Variants in ARHGAP32 observed in about 807,000 individuals in gnomAD.
ARHGAP32 encodes the protein rho GTPase-activating protein 32.
ARHGAP32 carries 51 observed loss-of-function variants against 186.5 expected under a neutral mutation model. The observed-to-expected ratio is 0.27, with a 90% CI of 0.22 to 0.35. The LOEUF (loss-of-function observed/expected upper bound fraction) is 0.35, where lower values mean the gene tolerates loss of function less well. Ranked by LOEUF, ARHGAP32 falls within the 10% of genes least tolerant of loss-of-function variation. The pLI, the probability that ARHGAP32 is intolerant of heterozygous loss-of-function variation, is 1.00. For synonymous variants in ARHGAP32, 950 were observed against 964.3 expected, an observed-to-expected ratio of 0.99 and a Z score of 0.27; for missense variants, 2,186 against 2,623.5, an observed-to-expected ratio of 0.83 and a Z score of 3.64.
At chr11:129,053,438 A>G (rs1290481357) in intron 10 of ARHGAP32, among the ~76,000 whole-genome samples, 1 of 152,170 alleles carries the variant, frequency 6.6e-6, no homozygotes, top group African/African-American at 2.4e-5. Flanking sequence ...TTAAAATGAT[A>G]GTTTAGAACC....
At chr11:129,181,470 TAA>T (rs1402992452) in intron 1 of ARHGAP32, among the ~76,000 whole-genome samples, 1 of 152,176 alleles carries the variant, frequency 6.6e-6, no homozygotes. Flanking sequence ...CTGGAACTGA[TAA>T]AAGTCATTAT....
intron 6 of ARHGAP32, among the ~76,000 whole-genome samples, chr11:129,074,230 T>C (rs550381842): frequency 6.6e-6 from 1 of 152,340 alleles, no homozygotes; most frequent in East Asian, 1.9e-4. Flanking sequence ...TAACAGTTTG[T>C]TCAAATAATA....
At position 129,062,436 on chromosome 11, in the gene ARHGAP32, A is replaced by G. The variant is rs1337519815; in HGVS notation, c.886-79T>C. The G allele has an allele frequency of 1.3e-5, 16 of 1,231,614 alleles. No individual in the cohort carries two copies. In the Admixed American group the frequency reaches 2.9e-4, roughly 22 times the overall value. The allele number at this position is 1,231,614 out of a possible 1,614,324, so 76.3% of individuals were successfully genotyped here. Reference sequence around the variant, plus strand: ...TGTTATACCTAGAATTTAAATCCGAACTGTATGAAAAGGTAAAGTACTATT... The same window carrying G: ...TGTTATACCTAGAATTTAAATCCGAGCTGTATGAAAAGGTAAAGTACTATT... On this transcript the variant is annotated intron_variant, in intron 9 of 22. Coordinates refer to ENST00000682385, the MANE Select transcript of ARHGAP32 (RefSeq NM_001378024.1).
At position 128,970,967 on chromosome 11, in the gene ARHGAP32, C is replaced by A; in HGVS notation, c.4246G>T (p.Val1416Phe). The change falls in exon 23 of 23, where the codon GTC becomes TTC. Residue 1416 changes from valine to phenylalanine, a missense_variant. Around this residue, in one of 5 missense-constraint regions of ARHGAP32, gnomAD observed 1,502 missense variants for 1,570.0 expected, o/e 0.96. Coordinates refer to ENST00000682385, the MANE Select transcript of ARHGAP32 (RefSeq NM_001378024.1). The surrounding 1 kb of genome is among the most constrained non-coding windows in gnomAD (Gnocchi z 5.8). ...VPLLHLRAES[V>F]PAHPCGFPAP... ...GGAAAGCCACAGGGATGCGCAGGGACAGACTCGGCGCGCAGGTGCAGCAGC... is the reference window on the plus strand; with the variant it reads ...GGAAAGCCACAGGGATGCGCAGGGAAAGACTCGGCGCGCAGGTGCAGCAGC... 1 of 1,613,932 alleles carries A rather than the reference C, an allele frequency of 6.2e-7. No individual in the cohort carries two copies. The highest frequency in any genetic ancestry group is 8.5e-7 in the Non-Finnish European group (1 of 1,180,000).
chr11:129,120,473 T>A (rs1942497742), intron 5 of ARHGAP32, among the ~76,000 whole-genome samples: 1 of 152,266 alleles, frequency 6.6e-6, no homozygotes. Context: ...TATCATTATA[T>A]GGTAATGATA....
intron 12 of ARHGAP32, among the ~76,000 whole-genome samples, chr11:128,989,633 C>T (rs1260195952): frequency 1.3e-5 from 2 of 151,760 alleles, no homozygotes; most frequent in Non-Finnish European, 2.9e-5. Flanking sequence ...CGTAAGTATA[C>T]ACATGCCATG....
chr11:129,182,615 A>T (rs187429560), intron 1 of ARHGAP32, among the ~76,000 whole-genome samples: 160 of 151,888 alleles, frequency 1.1e-3, no homozygotes, highest in African/African-American at 3.6e-3. Context: ...TATAAAAAAA[A>T]ATTGTGTTAA....
intron 11 of ARHGAP32, among the ~76,000 whole-genome samples, chr11:129,006,366 G>T (rs1591525176): frequency 1.3e-5 from 2 of 152,128 alleles, no homozygotes; most frequent in East Asian, 3.9e-4. Flanking sequence ...TCCTTCTTAG[G>T]AAAGTTTTCC....
chr11:129,232,349 C>T (rs1451420833), intron 1 of ARHGAP32, among the ~76,000 whole-genome samples: 1 of 152,174 alleles, frequency 6.6e-6, no homozygotes, highest in African/African-American at 2.4e-5. Flanking sequence ...AAGATGAGTT[C>T]ATCTAGCCCC....
At chr11:129,185,917 A>G (rs1409779923) in intron 1 of ARHGAP32, among the ~76,000 whole-genome samples, 1 of 152,164 alleles carries the variant, frequency 6.6e-6, no homozygotes, top group African/African-American at 2.4e-5. Context: ...AATGGAAACT[A>G]ATCATTAATG....
At chr11:129,122,865 A>G (rs762359289) in intron 5 of ARHGAP32, among the ~76,000 whole-genome samples, 3 of 152,068 alleles carry the variant, frequency 2.0e-5, no homozygotes, top group African/African-American at 4.8e-5. Flanking sequence ...CCCCTGGGGA[A>G]ATATAATTTT....
rs1428495652 is a variant in ARHGAP32 at position 128,968,832 on chromosome 11, T to A, written c.*75A>T. Reference sequence around the variant, plus strand: ...GGGTTTTATAGTATTTTTTGTTTAATCTTTTTGGTTATTGAAAAAAATAGA... The same window carrying A: ...GGGTTTTATAGTATTTTTTGTTTAAACTTTTTGGTTATTGAAAAAAATAGA... On this transcript the variant is annotated 3_prime_UTR_variant, in exon 23 of 23. Coordinates refer to ENST00000682385, the MANE Select transcript of ARHGAP32 (RefSeq NM_001378024.1). The A allele has an allele frequency of 2.6e-6, 3 of 1,172,434 alleles. No homozygotes were observed. The highest frequency in any genetic ancestry group is 3.1e-5 in the African/African-American group (2 of 63,918). 72.6% of individuals were successfully genotyped at this position (1,172,434 alleles called of 1,614,324 possible).
chr11:129,024,302 C>G (rs1373553612), intron 11 of ARHGAP32: 1 of 254,684 alleles, frequency 3.9e-6, no homozygotes, highest in Non-Finnish European at 6.2e-6. Flanking sequence ...GCTCAGAAAA[C>G]ACCAGTATGA....
intron 2 of ARHGAP32, among the ~76,000 whole-genome samples, chr11:129,128,790 G>A (rs1029238150): frequency 1.3e-5 from 2 of 152,190 alleles, no homozygotes; most frequent in South Asian, 4.1e-4. Flanking sequence ...TCGCCGTGTT[G>A]GCCGGGCTGG....
chr11:129,006,493 C>T (rs1450917462), intron 11 of ARHGAP32, among the ~76,000 whole-genome samples: 1 of 152,178 alleles, frequency 6.6e-6, no homozygotes, highest in East Asian at 1.9e-4. Flanking sequence ...GAGGTACTGC[C>T]TTGGTGGTCT....
intron 6 of ARHGAP32, among the ~76,000 whole-genome samples, chr11:129,082,938 A>AG (rs34050587): frequency 6.6e-6 from 1 of 152,164 alleles, no homozygotes; most frequent in African/African-American, 2.4e-5. Flanking sequence ...AAAGTGTGCT[A>AG]GGGGTATAAA....
chr11:129,080,703 C>T (rs572948681), intron 6 of ARHGAP32, among the ~76,000 whole-genome samples: 17 of 151,234 alleles, frequency 1.1e-4, no homozygotes, highest in Admixed American at 7.9e-4. Flanking sequence ...ACTACAGAAA[C>T]GAGAACAAAC....
chr11:129,169,555 C>T (rs1418752753), intron 1 of ARHGAP32, among the ~76,000 whole-genome samples: 6 of 148,982 alleles, frequency 4.0e-5, no homozygotes, highest in Non-Finnish European at 8.9e-5. Flanking sequence ...GGCGTGAACC[C>T]GGGAGGTGAA....
intron 2 of ARHGAP32, among the ~76,000 whole-genome samples, chr11:129,148,075 G>A (rs1314893748): frequency 1.3e-5 from 2 of 152,176 alleles, no homozygotes; most frequent in Non-Finnish European, 2.9e-5. Context: ...ATAGACTTAG[G>A]GACAAGATAG....
Sources: allele counts gnomAD v4.1 joint callset (sites outside exome capture counted in the v4.1 genomes callset), GRCh38; gene constraint gnomAD v4.1.1; regional missense constraint gnomAD v4.1.1; non-coding constraint Gnocchi (gnomAD v3.1); transcripts MANE v1.5; gene names NCBI Gene and HGNC (gene_info 2026-07-23, HGNC 2026-07-21).